Variants in NCKAP5 observed in about 807,000 individuals in gnomAD.
The protein encoded by NCKAP5 is nck-associated protein 5.
A neutral mutation model predicts 167.0 loss-of-function variants in NCKAP5; 92 were observed. That is an observed-to-expected ratio of 0.55 (90% CI 0.47 to 0.66). The LOEUF is 0.66. Among genes scored for constraint, NCKAP5 ranks in the 30% least tolerant of loss-of-function variants. The pLI, the probability that NCKAP5 is intolerant of heterozygous loss-of-function variation, is 0.00. For synonymous variants in NCKAP5, 891 were observed against 877.4 expected, an observed-to-expected ratio of 1.02 and a Z score of -0.27; for missense variants, 2,378 against 2,315.0, an observed-to-expected ratio of 1.03 and a Z score of -0.56.
the NCKAP5 span, among the ~76,000 whole-genome samples, chr2:133,607,740 T>G: frequency 6.6e-6 from 1 of 152,234 alleles, no homozygotes; most frequent in Non-Finnish European, 1.5e-5. Context: ...ACAGTGAGAT[T>G]TCTAAGCACT....
chr2:132,687,671 G>A (rs1686123837), intron 19 of NCKAP5, among the ~76,000 whole-genome samples: 1 of 149,308 alleles, frequency 6.7e-6, no homozygotes, highest in Non-Finnish European at 1.5e-5. Flanking sequence ...CTAGGAGAAA[G>A]ATGTTTAAAT....
intron 1 of NCKAP5, among the ~76,000 whole-genome samples, chr2:133,566,478 G>A (rs1232036910): frequency 6.6e-6 from 1 of 152,164 alleles, no homozygotes; most frequent in African/African-American, 2.4e-5. Flanking sequence ...AAACAATGAG[G>A]AACAGACACC....
chr2:133,061,065 TA>T (rs945874185), intron 6 of NCKAP5, among the ~76,000 whole-genome samples: 22 of 128,298 alleles, frequency 1.7e-4, no homozygotes, highest in South Asian at 9.4e-4. Flanking sequence ...CCCAAAATAT[TA>T]AAAAAAAAAC....
intron 6 of NCKAP5, among the ~76,000 whole-genome samples, chr2:133,126,665 C>A (rs185340591): frequency 1.3e-5 from 2 of 152,254 alleles, no homozygotes; most frequent in Admixed American, 1.3e-4. Context: ...GTGATACATT[C>A]TATTATGAAT....
rs763589015 is a variant in NCKAP5 at position 132,785,756 on chromosome 2, A to G, written c.1093-38T>C. 5.6e-6 allele frequency: 8 copies of G among 1,416,014 alleles called. No individual in the cohort carries two copies. In the African/African-American group the frequency reaches 8.7e-5, roughly 15 times the overall value. The allele number at this position is 1,416,014 out of a possible 1,614,324, so 87.7% of individuals were successfully genotyped here. On this transcript the variant is annotated intron_variant, in intron 13 of 19. Coordinates refer to ENST00000409261, the MANE Select transcript of NCKAP5 (RefSeq NM_207363.3). ...AGTAGACATCAGAAATGATTGAACC[A>G]TGTAGATCACAAAGATATAAAAGGA...
chr2:132,783,111 C>T lies in NCKAP5; in HGVS notation c.3700G>A (p.Glu1234Lys). ...CCATCACTCCCAGGGATGCTACTTT[C>T]CAATGGCTCTTGTAGTGCTGTTTCC... ...PLETALQEPL[E>K]SSIPGSDGRD... The change falls in exon 14 of 20, where the codon GAA (glutamate) becomes AAA (lysine). Residue 1234 changes from glutamate to lysine, a missense_variant. Physicochemically the swap from Glu to Lys is moderately conservative, Grantham distance 56. Around this residue, in one of 3 missense-constraint regions of NCKAP5, gnomAD observed 1,325 missense variants for 1,274.5 expected, o/e 1.04. Transcript: ENST00000409261. 4 of 1,613,780 alleles carry T rather than the reference C, an allele frequency of 2.5e-6. No homozygotes were observed. The highest frequency in any genetic ancestry group is 3.4e-6 in the Non-Finnish European group (4 of 1,179,794).
chr2:133,431,641 G>C (rs985465199), intron 3 of NCKAP5: 1 of 152,156 alleles, frequency 6.6e-6, no homozygotes, highest in African/African-American at 2.4e-5. Flanking sequence ...ATCTGCTTGA[G>C]GAGTGGCCTT....
chr2:132,940,445 ACATAC>A (rs1348201070), intron 8 of NCKAP5, among the ~76,000 whole-genome samples: 1 of 152,216 alleles, frequency 6.6e-6, no homozygotes, highest in Non-Finnish European at 1.5e-5. Context: ...TACACTTAAA[ACATAC>A]CAAATAGAAA....
chr2:132,738,443 G>A (rs568702746), intron 16 of NCKAP5, among the ~76,000 whole-genome samples: 1 of 152,164 alleles, frequency 6.6e-6, no homozygotes, highest in Non-Finnish European at 1.5e-5. Flanking sequence ...CTGCCATACT[G>A]TTTAACACCA....
In NCKAP5 at chr2:133,534,861, G is replaced by C. The variant is rs143306733; in HGVS notation, c.-61-17274C>G. On this transcript the variant is annotated intron_variant, in intron 2 of 19. Coordinates refer to ENST00000409261, the MANE Select transcript of NCKAP5 (RefSeq NM_207363.3). ...TATATACTTAGGAGAGAAATTGCCG[G>C]ATCAAATGGAAACTCTGTTTATCAG... Among the ~76,000 whole-genome samples, 249 of 152,222 alleles carry C rather than the reference G, an allele frequency of 1.6e-3. 1 individual carries two copies. The highest frequency in any genetic ancestry group is 5.6e-3 in the African/African-American group (233 of 41,516).
intron 3 of NCKAP5, among the ~76,000 whole-genome samples, chr2:133,422,224 T>A (rs1200035193): frequency 6.6e-6 from 1 of 152,212 alleles, no homozygotes; most frequent in East Asian, 1.9e-4. Context: ...GGATGATGCA[T>A]ACATGGCCTC....
At chr2:133,426,201 C>T (rs755373989) in intron 3 of NCKAP5, among the ~76,000 whole-genome samples, 30 of 151,900 alleles carry the variant, frequency 2.0e-4, no homozygotes, top group Non-Finnish European at 2.4e-4. Flanking sequence ...ACCCAGGAGG[C>T]GGAGGTTGTG....
chr2:133,341,785 G>T (rs1683604293), intron 3 of NCKAP5, among the ~76,000 whole-genome samples: 15 of 152,020 alleles, frequency 9.9e-5, no homozygotes, highest in Admixed American at 9.8e-4. Flanking sequence ...TACATTTCCA[G>T]CACCTGGGAC....
chr2:132,887,282 T>C (rs1692304618), intron 8 of NCKAP5, among the ~76,000 whole-genome samples: 1 of 152,032 alleles, frequency 6.6e-6, no homozygotes, highest in Non-Finnish European at 1.5e-5. Flanking sequence ...ATTTTATCTA[T>C]CATCTATCTA....
In NCKAP5 at chr2:133,363,255, C is replaced by T. The variant is rs75980894; in HGVS notation, c.70-60145G>A. Among the ~76,000 whole-genome samples the T allele has an allele frequency of 2.4e-3, 367 of 152,198 alleles. 4 individuals are homozygous for T. Among genetic ancestry groups the T allele is most frequent in the African/African-American group, 8.5e-3 (352 of 41,534 alleles). ...AGTAACTCTTTACCACTGACTAGTT[C>T]GGTGGTCCCACAAATCTAACCCACT... On this transcript the variant is annotated intron_variant, in intron 3 of 19. Coordinates refer to ENST00000409261, the MANE Select transcript of NCKAP5 (RefSeq NM_207363.3).
intron 3 of NCKAP5, among the ~76,000 whole-genome samples, chr2:133,484,799 T>G (rs1442029528): frequency 6.9e-6 from 1 of 145,448 alleles, no homozygotes; most frequent in Non-Finnish European, 1.5e-5. Context: ...ATACAAATAT[T>G]CTAAAATCAA....
intron 6 of NCKAP5, among the ~76,000 whole-genome samples, chr2:133,031,935 T>G (rs539238413): frequency 6.6e-6 from 1 of 152,088 alleles, no homozygotes; most frequent in East Asian, 1.9e-4. Context: ...AACTGAAAAG[T>G]CCCTGGGTCC....
intron 8 of NCKAP5, among the ~76,000 whole-genome samples, chr2:132,891,968 T>C (rs1211808974): frequency 1.3e-5 from 2 of 152,238 alleles, no homozygotes; most frequent in Non-Finnish European, 2.9e-5. Context: ...ACATGGAGCC[T>C]GGCCCTCTGT....
At chr2:132,820,184 G>T (rs894687520) in intron 11 of NCKAP5, among the ~76,000 whole-genome samples, 7 of 152,040 alleles carry the variant, frequency 4.6e-5, no homozygotes, top group African/African-American at 1.7e-4. Context: ...AGAGGACAGA[G>T]AAATGGGATA....
Sources: gnomAD v4.1 joint callset for allele counts (sites outside exome capture counted in the v4.1 genomes callset) on GRCh38, gnomAD v4.1.1 for gene constraint, gnomAD v4.1.1 regional missense constraint, MANE v1.5 for transcripts, NCBI Gene and HGNC (gene_info 2026-07-23, HGNC 2026-07-21) for gene names.